The following TBCK variants were observed in gnomAD, a reference collection of about 807,000 sequenced individuals.
TBCK encodes TBC1 domain containing kinase, also known as TBC domain-containing protein kinase-like protein.
Under a neutral mutation model 113.4 loss-of-function variants are expected in TBCK, and 99 were observed. The ratio of observed to expected loss-of-function variants is 0.87; its 90% CI spans 0.74 to 1.03. TBCK has a LOEUF of 1.03. Among genes scored for constraint, TBCK ranks in the 50% least tolerant of loss-of-function variants. The probability of loss-of-function intolerance (pLI) is 0.00; values close to 1 mark genes in which losing one functional copy is unlikely to be tolerated. For synonymous variants in TBCK, 369 were observed against 370.8 expected (o/e 1.00, Z 0.05); for missense variants, 1,045 against 1,061.3 (o/e 0.98, Z 0.21).
intron 25 of TBCK, among the ~76,000 whole-genome samples, chr4:106,058,758 T>C (rs1025537661): frequency 6.6e-6 from 1 of 151,726 alleles, no homozygotes; most frequent in Admixed American, 6.6e-5. Flanking sequence ...CGGAAAGTCA[T>C]AGATATTTTA....
chr4:106,205,538 G>A (rs778027008), intron 20 of TBCK, among the ~76,000 whole-genome samples: 10 of 138,144 alleles, frequency 7.2e-5, no homozygotes, highest in Non-Finnish European at 1.1e-4. Flanking sequence ...GAAGTCAGGA[G>A]TTCAAGACCA....
At position 106,231,794 on chromosome 4, in the gene TBCK, T is replaced by C. The variant is rs753231926; in HGVS notation, c.1640-15A>G. 1 of 1,605,390 alleles carries C rather than the reference T, an allele frequency of 6.2e-7. No individual in the cohort carries two copies. On this transcript the variant is annotated splice_polypyrimidine_tract_variant and intron_variant, in intron 17 of 25. Coordinates refer to ENST00000394708, the MANE Select transcript of TBCK (RefSeq NM_001163435.3). ...TGAGTCAAGACCTAACACAGAGGGGTTGGGAGAAAGAAGTCAAATAAATAT... is the reference window on the plus strand; with the variant it reads ...TGAGTCAAGACCTAACACAGAGGGGCTGGGAGAAAGAAGTCAAATAAATAT...
At chr4:106,219,748 A>G (rs1175952378) in intron 19 of TBCK, among the ~76,000 whole-genome samples, 1 of 151,756 alleles carries the variant, frequency 6.6e-6, no homozygotes, top group African/African-American at 2.4e-5. Context: ...TATGTTGTCT[A>G]GGCTGGTCTC....
chr4:106,045,316 T>G lies in TBCK; in HGVS notation c.*1254A>C, dbSNP rs1734122699. The G allele has an allele frequency of 6.6e-6, 1 of 152,082 alleles. No individual in the cohort carries two copies. Among genetic ancestry groups the G allele is most frequent in the East Asian group, 1.9e-4 (1 of 5,178 alleles). 9.4% of individuals were successfully genotyped at this position (152,082 alleles called of 1,614,324 possible). A position where few individuals can be genotyped will look rare whatever the true frequency, so the allele number is the denominator to read the frequency against. On this transcript the variant is annotated 3_prime_UTR_variant, in exon 26 of 26. Coordinates refer to ENST00000394708, the MANE Select transcript of TBCK (RefSeq NM_001163435.3). ...TCGGCCTCCCAGGGAATGTGTCTTT[T>G]AATTGACAAAGTGTCACAATTCATT...
chr4:106,243,602 G>A (rs1000990790), intron 11 of TBCK, among the ~76,000 whole-genome samples: 18 of 148,306 alleles, frequency 1.2e-4, no homozygotes, highest in African/African-American at 4.1e-4. Flanking sequence ...CAATACAAAA[G>A]TTTAAAAAGT....
intron 3 of TBCK, among the ~76,000 whole-genome samples, chr4:106,292,632 T>C (rs139590517): frequency 1.3e-5 from 2 of 151,688 alleles, no homozygotes; most frequent in East Asian, 3.9e-4. Context: ...TGTGAGGAGA[T>C]GGACACAGAG....
chr4:106,215,090 C>T (rs1473498386), intron 19 of TBCK, among the ~76,000 whole-genome samples: 1 of 150,476 alleles, frequency 6.6e-6, no homozygotes, highest in Non-Finnish European at 1.5e-5. Context: ...AATTTTCAAC[C>T]TAGAATTTCA....
At chr4:106,146,959 C>T (rs1204471088) in intron 23 of TBCK, among the ~76,000 whole-genome samples, 1 of 152,234 alleles carries the variant, frequency 6.6e-6, no homozygotes, top group Non-Finnish European at 1.5e-5. Flanking sequence ...TCCAACAATG[C>T]TCACAGCATC....
intron 22 of TBCK, among the ~76,000 whole-genome samples, chr4:106,176,324 A>C (rs1751665669): frequency 6.6e-6 from 1 of 151,926 alleles, no homozygotes; most frequent in African/African-American, 2.4e-5. Context: ...CTTCATCCCC[A>C]TCCCCCAGCC....
chr4:106,299,930 G>GT (rs1766743177), intron 2 of TBCK, among the ~76,000 whole-genome samples: 2 of 152,216 alleles, frequency 1.3e-5, no homozygotes, highest in Non-Finnish European at 2.9e-5. Context: ...AGCCTGAACT[G>GT]TGTGTTTTAG....
intron 11 of TBCK, 50 bp from the exon 12 acceptor site, chr4:106,242,619 TTTCTTCTAGA>T (rs758255464): frequency 7.5e-7 from 1 of 1,339,430 alleles, no homozygotes; most frequent in South Asian, 1.4e-5. Context: ...CAGTTTATTG[TTTCTTCTAGA>T]AAGTAAAGTT....
At chr4:106,247,568 G>A (rs1356576368) in intron 9 of TBCK, 1 of 259,206 alleles carries the variant, frequency 3.9e-6, no homozygotes. Context: ...ACCCTGACTA[G>A]CATTCACCTG....
intron 23 of TBCK, chr4:106,163,284 T>G (rs1749995345): frequency 6.6e-6 from 1 of 152,092 alleles, no homozygotes; most frequent in South Asian, 2.1e-4. Context: ...CTCTAGGGAG[T>G]TCCAAATTTT....
At chr4:106,286,438 G>A (rs563839764) in intron 3 of TBCK, among the ~76,000 whole-genome samples, 1 of 152,292 alleles carries the variant, frequency 6.6e-6, no homozygotes, top group East Asian at 1.9e-4. Flanking sequence ...GCACAGAAAT[G>A]CAAAACTTTT....
rs1734095129 is a variant in TBCK at position 106,045,047 on chromosome 4, A to C, written c.*1523T>G. 2 of 149,538 alleles carry C rather than the reference A, an allele frequency of 1.3e-5. No individual in the cohort carries two copies. 9.3% of individuals were successfully genotyped at this position (149,538 alleles called of 1,614,324 possible). ...TTTTTTTCAGATTTCTGAAATGGGA[A>C]TGTATCTTTCTTTTTTTTTTTTTTT... On this transcript the variant is annotated 3_prime_UTR_variant, in exon 26 of 26. Transcript: ENST00000394708.
intron 25 of TBCK, among the ~76,000 whole-genome samples, chr4:106,080,273 A>G (rs887808842): frequency 1.1e-4 from 17 of 152,192 alleles, no homozygotes; most frequent in Non-Finnish European, 1.5e-4. Context: ...CTGACTTCAA[A>G]TTATACTACA....
At chr4:106,133,401 C>T (rs1423027598) in intron 23 of TBCK, among the ~76,000 whole-genome samples, 5 of 152,142 alleles carry the variant, frequency 3.3e-5, no homozygotes, top group African/African-American at 1.2e-4. Context: ...GTCAATTAAA[C>T]CTCTTTCCTT....
intron 23 of TBCK, among the ~76,000 whole-genome samples, chr4:106,131,002 C>T (rs1455274849): frequency 6.6e-6 from 1 of 152,062 alleles, no homozygotes; most frequent in East Asian, 1.9e-4. Context: ...CTGGGTCCCC[C>T]CCAAATCTCA....
At chr4:106,216,729 C>T (rs1429099473) in intron 19 of TBCK, among the ~76,000 whole-genome samples, 2 of 152,132 alleles carry the variant, frequency 1.3e-5, no homozygotes, top group South Asian at 2.1e-4. Context: ...TAATCAATAG[C>T]TTACCAACCA....
Sources: allele counts gnomAD v4.1 joint callset (sites outside exome capture counted in the v4.1 genomes callset), GRCh38; gene constraint gnomAD v4.1.1; transcripts MANE v1.5; gene names NCBI Gene and HGNC (gene_info 2026-07-23, HGNC 2026-07-21).